The following ANO2 variants were observed in gnomAD, a reference collection of about 807,000 sequenced individuals.
ANO2 encodes anoctamin 2, also known as anoctamin-2.
ANO2 carries 101 observed loss-of-function variants against 124.2 expected under a neutral mutation model. The ratio of observed to expected loss-of-function variants is 0.81; its 90% CI spans 0.69 to 0.96. The LOEUF (loss-of-function observed/expected upper bound fraction) is 0.96, where lower values mean the gene tolerates loss of function less well. Ranked by LOEUF, ANO2 falls within the 40% of genes least tolerant of loss-of-function variation. ANO2 has a pLI of 0.00. For synonymous variants in ANO2, 486 were observed against 482.5 expected (o/e 1.01, Z -0.09); for missense variants, 1,293 against 1,274.5 (o/e 1.01, Z -0.22).
At chr12:5,886,325 T>A (rs371547732) in intron 3 of ANO2, among the ~76,000 whole-genome samples, 18 of 152,230 alleles carry the variant, frequency 1.2e-4, no homozygotes, top group East Asian at 1.2e-3. Flanking sequence ...CTGCCATTTG[T>A]GACATCGATG....
intron 10 of ANO2, among the ~76,000 whole-genome samples, chr12:5,785,675 A>ACC (rs1565667382): frequency 1.3e-5 from 2 of 151,718 alleles, no homozygotes; most frequent in Admixed American, 1.3e-4. Flanking sequence ...ACACACACAC[A>ACC]CACATACACA....
intron 14 of ANO2, among the ~76,000 whole-genome samples, chr12:5,708,299 T>C (rs1949692681): frequency 6.6e-6 from 1 of 152,184 alleles, no homozygotes; most frequent in Non-Finnish European, 1.5e-5. Flanking sequence ...CCACAGAACA[T>C]TTTACAATGC....
At chr12:5,722,651 T>C (rs535194124) in intron 14 of ANO2, among the ~76,000 whole-genome samples, 1 of 152,238 alleles carries the variant, frequency 6.6e-6, no homozygotes, top group Non-Finnish European at 1.5e-5. Context: ...GTGAGTTTCC[T>C]ATGGCACCCT....
rs1482899305 is a variant in ANO2 at position 5,769,290 on chromosome 12, A to G, written c.1056-18320T>C. Among the ~76,000 whole-genome samples the G allele has an allele frequency of 2.0e-5, 3 of 152,142 alleles. No homozygotes were observed. The highest frequency in any genetic ancestry group is 4.4e-5 in the Non-Finnish European group (3 of 68,026). The stretch of plus-strand genomic sequence containing the variant: ...AGGCTGATGGGGTACAGGTGGGACC[A>G]GGAACCAGGACTGGCTGGCCTGGCG... On this transcript the variant is annotated intron_variant, in intron 10 of 24. Transcript: ENST00000682330. This position sits in a 1 kb window ranked among gnomAD's most constrained non-coding sequence, Gnocchi z 4.0.
At chr12:5,718,638 T>C (rs1198313560) in intron 14 of ANO2, among the ~76,000 whole-genome samples, 1 of 152,232 alleles carries the variant, frequency 6.6e-6, no homozygotes, top group Non-Finnish European at 1.5e-5. Flanking sequence ...CCTGGTCTAA[T>C]ACATAATGTA....
chr12:5,676,385 G>A (rs140224519), intron 14 of ANO2, among the ~76,000 whole-genome samples: 102 of 152,218 alleles, frequency 6.7e-4, no homozygotes, highest in African/African-American at 2.1e-3. Flanking sequence ...TAGAAGCATC[G>A]TGCCAAAACG....
chr12:5,898,251 T>C (rs1443397793), intron 3 of ANO2, among the ~76,000 whole-genome samples: 5 of 152,168 alleles, frequency 3.3e-5, no homozygotes, highest in Admixed American at 2.6e-4. Flanking sequence ...ATATTAAGTG[T>C]TGGTAGGATG....
chr12:5,827,723 C>T (rs1396677137), intron 7 of ANO2, 46 bp downstream of exon 7: 9 of 1,585,014 alleles, frequency 5.7e-6, no homozygotes, highest in African/African-American at 1.3e-5. Context: ...GGGCGGGAGC[C>T]GCCTCAGCGC....
Position 5,607,047 on chromosome 12 carries a change from C to T in ANO2, c.2087+5609G>A, listed in dbSNP as rs569306220. 5.4e-5 allele frequency among the ~76,000 whole-genome samples: 8 copies of T among 149,206 alleles called. No individual in the cohort carries two copies. In the East Asian group the frequency reaches 6.0e-4, roughly 11 times the overall value. On this transcript the variant is annotated intron_variant, in intron 19 of 24. Transcript: ENST00000682330. ...CAGCACAATCACCCATCTAACCCCCCAGACTTGCCTCTATTTAAAAAAAAA... is the reference window on the plus strand; with the variant it reads ...CAGCACAATCACCCATCTAACCCCCTAGACTTGCCTCTATTTAAAAAAAAA...
At chr12:5,672,120 C>T (rs1372489452) in intron 14 of ANO2, among the ~76,000 whole-genome samples, 2 of 152,214 alleles carry the variant, frequency 1.3e-5, no homozygotes, top group East Asian at 1.9e-4. Flanking sequence ...GGTCAACTGA[C>T]TCTTCAAGCC....
At chr12:5,585,432 G>A (rs1225454006) in intron 20 of ANO2, among the ~76,000 whole-genome samples, 1 of 152,130 alleles carries the variant, frequency 6.6e-6, no homozygotes, top group African/African-American at 2.4e-5. Context: ...GCAATGCTGG[G>A]ACAGATCAGT....
chr12:5,887,836 TTTC>T (rs1453165153), intron 3 of ANO2, among the ~76,000 whole-genome samples: 2 of 151,954 alleles, frequency 1.3e-5, no homozygotes, highest in African/African-American at 4.8e-5. Context: ...CGGTTTTTTT[TTTC>T]TTTTTTTTTT....
intron 14 of ANO2, among the ~76,000 whole-genome samples, chr12:5,720,789 C>T (rs1296671122): frequency 2.0e-5 from 3 of 152,190 alleles, no homozygotes; most frequent in Non-Finnish European, 4.4e-5. Context: ...GCTTTGCTTC[C>T]ATAACCCAGG....
At chr12:5,763,516 C>A (rs1463543017) in intron 10 of ANO2, among the ~76,000 whole-genome samples, 2 of 151,888 alleles carry the variant, frequency 1.3e-5, no homozygotes, top group East Asian at 3.9e-4. Context: ...ATTGTATTTC[C>A]CCCCAACACT....
At chr12:5,857,758 G>A (rs747135041) in intron 3 of ANO2, among the ~76,000 whole-genome samples, 1 of 147,972 alleles carries the variant, frequency 6.8e-6, no homozygotes, top group Non-Finnish European at 1.5e-5. Context: ...AGAGAGGAAT[G>A]GATAAAAGAA....
chr12:5,719,657 A>G (rs1257721124), intron 14 of ANO2, among the ~76,000 whole-genome samples: 1 of 152,206 alleles, frequency 6.6e-6, no homozygotes, highest in South Asian at 2.1e-4. Context: ...TCTTGATCTT[A>G]GCCTTCCCAG....
chr12:5,638,886 C>T (rs10849307), intron 15 of ANO2, among the ~76,000 whole-genome samples: 56,860 of 151,916 alleles, frequency 0.37, 11,155 homozygotes, highest in East Asian at 0.66. Context: ...TCCTACTTGA[C>T]GCCAAGAGAG....
At chr12:5,671,380 C>G (rs924914842) in intron 14 of ANO2, among the ~76,000 whole-genome samples, 1 of 152,222 alleles carries the variant, frequency 6.6e-6, no homozygotes, top group South Asian at 2.1e-4. Flanking sequence ...TATTAGCAAA[C>G]TCTGCCGAGA....
intron 4 of ANO2, among the ~76,000 whole-genome samples, chr12:5,849,141 T>G (rs571015139): frequency 7.3e-4 from 111 of 152,288 alleles, no homozygotes; most frequent in African/African-American, 2.6e-3. Context: ...TGAGACCCCT[T>G]CAATATCAGT....
Sources: allele counts gnomAD v4.1 joint callset (sites outside exome capture counted in the v4.1 genomes callset), GRCh38; gene constraint gnomAD v4.1.1; non-coding constraint Gnocchi (gnomAD v3.1); transcripts MANE v1.5; gene names NCBI Gene and HGNC (gene_info 2026-07-23, HGNC 2026-07-21).